Variants in ALPK1 observed in about 807,000 individuals in gnomAD.
ALPK1 encodes the protein alpha-protein kinase 1.
In ALPK1, 110 loss-of-function variants were observed where a neutral mutation model predicts 120.6. That is an observed-to-expected ratio of 0.91 (90% CI 0.78 to 1.07). The LOEUF is 1.07. Ranked by LOEUF, ALPK1 falls within the 50% of genes least tolerant of loss-of-function variation. ALPK1 has a pLI of 0.00. For missense variants in ALPK1, 1,498 were observed against 1,483.9 expected, an observed-to-expected ratio of 1.01 and a Z score of -0.16; for synonymous variants, 582 against 560.3, an observed-to-expected ratio of 1.04 and a Z score of -0.55.
intron 4 of ALPK1, among the ~76,000 whole-genome samples, chr4:112,395,820 A>T (rs921071255): frequency 8.5e-6 from 1 of 117,796 alleles, no homozygotes; most frequent in Non-Finnish European, 1.9e-5. Flanking sequence ...TGTAGATCCA[A>T]ATAGAAATGG....
At chr4:112,401,380 T>C (rs1174107319) in intron 4 of ALPK1, among the ~76,000 whole-genome samples, 1 of 152,170 alleles carries the variant, frequency 6.6e-6, no homozygotes, top group Non-Finnish European at 1.5e-5. Flanking sequence ...ATTTGTGCTA[T>C]AGAAGAAGGA....
rs760004616 is a variant in ALPK1 at position 112,426,506 on chromosome 4, T to A, written c.662T>A (p.Ile221Asn). ...YEAAELIWAS[I>N]VGYLALPQPD... ...GCAGCAGAGTTAATATGGGCCTCCA[T>A]TGTAGGATATTTGGCACTTCCTCAG... Residue 221 changes from isoleucine to asparagine, a missense_variant, in exon 8 of 16, where the codon ATT (isoleucine) becomes AAT (asparagine). Coordinates refer to ENST00000650871, the MANE Select transcript of ALPK1 (RefSeq NM_025144.4). 2 of 1,594,170 alleles carry A rather than the reference T, an allele frequency of 1.3e-6. No homozygotes were observed. The highest frequency in any genetic ancestry group is 1.7e-6 in the Non-Finnish European group (2 of 1,172,730).
At chr4:112,367,010 GC>G (rs1237792267) in intron 2 of ALPK1, among the ~76,000 whole-genome samples, 2 of 152,192 alleles carry the variant, frequency 1.3e-5, no homozygotes, top group East Asian at 3.8e-4. Flanking sequence ...ACACACAAAG[GC>G]ATAAGAATGC....
chr4:112,308,818 GGC>G (rs1344664542), intron 1 of ALPK1, among the ~76,000 whole-genome samples: 1 of 151,924 alleles, frequency 6.6e-6, no homozygotes, highest in African/African-American at 2.4e-5. Context: ...GAGGGGGAGG[GGC>G]GCTCTGATTT....
At chr4:112,404,740 T>A (rs933319166) in intron 4 of ALPK1, among the ~76,000 whole-genome samples, 6 of 152,244 alleles carry the variant, frequency 3.9e-5, no homozygotes, top group African/African-American at 1.2e-4. Flanking sequence ...TTGTAAACTT[T>A]ACCTTCTTGG....
intron 6 of ALPK1, 113 bp downstream of exon 6, chr4:112,424,116 ATCTGGGGCTG>A: frequency 1.0e-6 from 1 of 998,616 alleles, no homozygotes; most frequent in South Asian, 1.6e-5. Context: ...TTCCAGAGCT[ATCTGGGGCTG>A]GCTCTGCCAC....
chr4:112,434,039 C>CA (rs990108782), intron 11 of ALPK1, among the ~76,000 whole-genome samples: 6 of 151,656 alleles, frequency 4.0e-5, no homozygotes, highest in African/African-American at 1.2e-4. Flanking sequence ...ACATTGTTAC[C>CA]AAAAAAAAGC....
intron 2 of ALPK1, among the ~76,000 whole-genome samples, chr4:112,363,620 ACT>A (rs1165442332): frequency 6.6e-6 from 1 of 152,176 alleles, no homozygotes; most frequent in African/African-American, 2.4e-5. Context: ...GGACTTCAGT[ACT>A]CCACCGACAG....
intron 2 of ALPK1, among the ~76,000 whole-genome samples, chr4:112,352,301 C>T (rs1730399461): frequency 6.6e-6 from 1 of 152,176 alleles, no homozygotes; most frequent in African/African-American, 2.4e-5. Context: ...TTGAAGTCTC[C>T]TCCATGTGCT....
intron 6 of ALPK1, among the ~76,000 whole-genome samples, chr4:112,424,861 A>C (rs1011859457): frequency 1.1e-4 from 16 of 152,194 alleles, no homozygotes; most frequent in African/African-American, 3.6e-4. Context: ...GGGGGTAGTA[A>C]AGAGTCTGCC....
At chr4:112,432,611 C>T (rs768853407) in intron 11 of ALPK1, 30 bp downstream of exon 11, 2 of 1,586,246 alleles carry the variant, frequency 1.3e-6, no homozygotes, top group South Asian at 1.1e-5. Context: ...TAGTTCCCCC[C>T]TCAGGAAGCA....
At position 112,431,919 on chromosome 4, in the gene ALPK1, C is replaced by G; in HGVS notation, c.2372C>G (p.Thr791Arg). 1 of 1,614,048 alleles carries G rather than the reference C, an allele frequency of 6.2e-7. No individual in the cohort carries two copies. Among genetic ancestry groups the G allele is most frequent in the Non-Finnish European group, 8.5e-7 (1 of 1,180,048 alleles). The change falls in exon 11 of 16, where the codon ACA becomes AGA. Residue 791 changes from threonine (T) to arginine (R), a missense_variant. Physicochemically the swap from Thr to Arg is moderately conservative, Grantham distance 71. Transcript: ENST00000650871. ...TCCTGGGTTGACCCAGAAGGAGAAA[C>G]AGCAGAAAGCACTGAAGATGCACCC... is the stretch of plus-strand genomic sequence containing the variant. ...SPSWVDPEGE[T>R]AESTEDAPLD...
chr4:112,382,590 C>T (rs1247351495), intron 4 of ALPK1, 38 bp downstream of exon 4: 5 of 1,613,816 alleles, frequency 3.1e-6, no homozygotes, highest in Admixed American at 1.7e-5. Context: ...CTGATATCCC[C>T]AAGTGAGGCA....
chr4:112,434,564 G>A (rs1734711272), intron 11 of ALPK1, among the ~76,000 whole-genome samples: 1 of 152,226 alleles, frequency 6.6e-6, no homozygotes, highest in Non-Finnish European at 1.5e-5. Context: ...TTTCTATAAG[G>A]TGGAGACTGC....
chr4:112,358,711 GGAA>G (rs1730765974), intron 2 of ALPK1: 1 of 768,190 alleles, frequency 1.3e-6, no homozygotes, highest in Non-Finnish European at 2.4e-6. Context: ...CAAGGAAGGA[GGAA>G]GAAGATCCAG....
chr4:112,367,117 G>A (rs889563761), intron 2 of ALPK1, among the ~76,000 whole-genome samples: 30 of 152,072 alleles, frequency 2.0e-4, no homozygotes, highest in African/African-American at 7.0e-4. Context: ...CGGGTGATGG[G>A]GTTCACCTAA....
intron 2 of ALPK1, among the ~76,000 whole-genome samples, chr4:112,334,467 G>A (rs188838920): frequency 6.6e-6 from 1 of 151,200 alleles, no homozygotes; most frequent in Non-Finnish European, 1.5e-5. Flanking sequence ...AGAAAAGAAA[G>A]GCAGTTTTCC....
intron 4 of ALPK1, among the ~76,000 whole-genome samples, chr4:112,387,356 A>G (rs1732197433): frequency 6.6e-6 from 1 of 152,242 alleles, no homozygotes; most frequent in Non-Finnish European, 1.5e-5. Flanking sequence ...GCTGTGTGAT[A>G]GCCCTGAGTT....
At chr4:112,307,555 G>T (rs1156721726) in intron 1 of ALPK1, among the ~76,000 whole-genome samples, 1 of 152,036 alleles carries the variant, frequency 6.6e-6, no homozygotes, top group Non-Finnish European at 1.5e-5. Context: ...TTTTATCAGA[G>T]ACTAGGATTG....
Sources: gnomAD v4.1 joint callset for allele counts (sites outside exome capture counted in the v4.1 genomes callset) on GRCh38, gnomAD v4.1.1 for gene constraint, MANE v1.5 for transcripts, NCBI Gene and HGNC (gene_info 2026-07-23, HGNC 2026-07-21) for gene names.